Variants in JAZF1 observed in about 807,000 individuals in gnomAD.
JAZF1 encodes the protein juxtaposed with another zinc finger protein 1.
A neutral mutation model predicts 26.4 loss-of-function variants in JAZF1; 8 were observed. The ratio of observed to expected loss-of-function variants is 0.30; its 90% CI spans 0.18 to 0.55. The LOEUF is 0.55. Among genes scored for constraint, JAZF1 ranks in the 20% least tolerant of loss-of-function variants. The probability of loss-of-function intolerance (pLI) is 0.94; values close to 1 mark genes in which losing one functional copy is unlikely to be tolerated. For missense variants in JAZF1, 199 were observed against 322.0 expected, an observed-to-expected ratio of 0.62 and a Z score of 2.92; for synonymous variants, 126 against 122.3, an observed-to-expected ratio of 1.03 and a Z score of -0.20.
intron 1 of JAZF1, among the ~76,000 whole-genome samples, chr7:28,158,565 T>C (rs901838395): frequency 2.0e-5 from 3 of 152,248 alleles, no homozygotes; most frequent in African/African-American, 7.2e-5. Flanking sequence ...AGCCCCAAAT[T>C]AGATCCTATT....
At chr7:28,180,331 T>A in intron 1 of JAZF1, 132 bp downstream of exon 1, 11 of 157,674 alleles carry the variant, frequency 7.0e-5, no homozygotes, top group East Asian at 2.4e-4. Context: ...CACCCCCACC[T>A]CGGGGCTCGC....
At chr7:27,843,658 G>A (rs886973691) in intron 3 of JAZF1, 4 of 152,294 alleles carry the variant, frequency 2.6e-5, no homozygotes, top group African/African-American at 9.6e-5. Flanking sequence ...CAGAGAAGGA[G>A]CAAAGCACAC....
chr7:28,135,246 G>A (rs535374783), intron 1 of JAZF1, among the ~76,000 whole-genome samples: 6 of 151,616 alleles, frequency 4.0e-5, no homozygotes, highest in Non-Finnish European at 5.9e-5. Context: ...TCTGTGTTCC[G>A]CAAAACTAAG....
intron 1 of JAZF1, among the ~76,000 whole-genome samples, chr7:28,050,762 G>A (rs1783598485): frequency 1.3e-5 from 2 of 152,126 alleles, no homozygotes; most frequent in South Asian, 2.1e-4. Context: ...AGTCATGCTT[G>A]TTGATCGAGT....
intron 1 of JAZF1, among the ~76,000 whole-genome samples, chr7:28,114,915 G>C (rs542631859): frequency 2.0e-5 from 3 of 152,248 alleles, no homozygotes; most frequent in African/African-American, 7.2e-5. Context: ...AGAAAGAACA[G>C]TGTGTTCAGA....
chr7:28,027,848 C>T (rs762060420), intron 1 of JAZF1, among the ~76,000 whole-genome samples: 25 of 152,182 alleles, frequency 1.6e-4, no homozygotes, highest in Admixed American at 1.3e-4. Flanking sequence ...GATTCAGCCC[C>T]GATGCCTGTT....
chr7:28,132,936 G>A (rs1782820116), intron 1 of JAZF1, among the ~76,000 whole-genome samples: 1 of 152,004 alleles, frequency 6.6e-6, no homozygotes, highest in Non-Finnish European at 1.5e-5. Flanking sequence ...TACCTTTATG[G>A]ATAAAAATGG....
intron 2 of JAZF1, among the ~76,000 whole-genome samples, chr7:27,976,297 G>A (rs1168204730): frequency 7.3e-6 from 1 of 136,564 alleles, no homozygotes; most frequent in African/African-American, 2.7e-5. Flanking sequence ...AGTGAGCCGA[G>A]AAGCGCCACT....
At chr7:28,020,089 C>T (rs1782978576) in intron 1 of JAZF1, among the ~76,000 whole-genome samples, 1 of 152,066 alleles carries the variant, frequency 6.6e-6, no homozygotes, top group African/African-American at 2.4e-5. Flanking sequence ...AGCTATTTTC[C>T]CTATAGGTTA....
At chr7:27,969,019 C>T (rs565467808) in intron 2 of JAZF1, among the ~76,000 whole-genome samples, 4 of 152,276 alleles carry the variant, frequency 2.6e-5, no homozygotes, top group South Asian at 2.1e-4. Context: ...AGTAACATAG[C>T]ACTCTTTCTC....
intron 2 of JAZF1, among the ~76,000 whole-genome samples, chr7:27,911,141 G>A (rs9791862): frequency 0.18 from 27,805 of 152,070 alleles, 3,303 homozygotes; most frequent in East Asian, 0.45. Flanking sequence ...AATCCATAGC[G>A]TTTTTAGGTG....
chr7:28,028,795 A>G (rs538856499), intron 1 of JAZF1, among the ~76,000 whole-genome samples: 1 of 152,328 alleles, frequency 6.6e-6, no homozygotes, highest in East Asian at 1.9e-4. Context: ...TGGGGATGCA[A>G]AAGTGAATTA....
At chr7:27,894,188 CCTCAGTAG>C (rs1387837077) in intron 3 of JAZF1, among the ~76,000 whole-genome samples, 2 of 152,182 alleles carry the variant, frequency 1.3e-5, no homozygotes. Flanking sequence ...TCTCTGCTCA[CCTCAGTAG>C]CTCAGTTTCT....
At chr7:27,951,286 T>C (rs1220930192) in intron 2 of JAZF1, among the ~76,000 whole-genome samples, 6 of 152,202 alleles carry the variant, frequency 3.9e-5, no homozygotes, top group Admixed American at 3.3e-4. Context: ...CCCCTCTAGA[T>C]GTGTAATGGT....
In JAZF1 at chr7:28,052,616, C is replaced by T. The variant is rs573322007; in HGVS notation, c.116-60635G>A. Reference sequence around the variant, plus strand: ...ATTAAAACAAAGAAACAAACAACACCTCCAATCACTTCAGTTTCTTAAGCA... The same window carrying T: ...ATTAAAACAAAGAAACAAACAACACTTCCAATCACTTCAGTTTCTTAAGCA... On this transcript the variant is annotated intron_variant, in intron 1 of 4. Coordinates refer to ENST00000283928, the MANE Select transcript of JAZF1 (RefSeq NM_175061.4). Among the ~76,000 whole-genome samples the T allele has an allele frequency of 5.3e-5, 8 of 152,288 alleles. No homozygotes were observed. In the East Asian group the frequency reaches 1.3e-3, roughly 26 times the overall value.
intron 1 of JAZF1, among the ~76,000 whole-genome samples, chr7:28,093,697 C>T (rs1784338145): frequency 6.6e-6 from 1 of 152,212 alleles, no homozygotes; most frequent in South Asian, 2.1e-4. Flanking sequence ...TTTGCCCATT[C>T]AGGGGGAAAT....
At chr7:27,874,037 G>A (rs996786484) in intron 3 of JAZF1, among the ~76,000 whole-genome samples, 1 of 152,220 alleles carries the variant, frequency 6.6e-6, no homozygotes, top group African/African-American at 2.4e-5. Flanking sequence ...AGGCCAAGAA[G>A]GAATTAATTT....
At chr7:28,099,968 A>G (rs1784446786) in intron 1 of JAZF1, among the ~76,000 whole-genome samples, 1 of 152,226 alleles carries the variant, frequency 6.6e-6, no homozygotes, top group Admixed American at 6.5e-5. Flanking sequence ...AGAGAGATGC[A>G]CTAAACATCG....
intron 2 of JAZF1, among the ~76,000 whole-genome samples, chr7:27,948,491 T>C (rs1442111998): frequency 1.3e-5 from 2 of 152,130 alleles, no homozygotes; most frequent in South Asian, 2.1e-4. Flanking sequence ...ACAATGCCTA[T>C]GGAAAATGAG....
Sources: gnomAD v4.1 joint callset for allele counts (sites outside exome capture counted in the v4.1 genomes callset) on GRCh38, gnomAD v4.1.1 for gene constraint, MANE v1.5 for transcripts, NCBI Gene and HGNC (gene_info 2026-07-23, HGNC 2026-07-21) for gene names.